DSP: variants seen among roughly 807,000 people sequenced by gnomAD.
DSP encodes the protein desmoplakin.
In DSP, 114 loss-of-function variants were observed where a neutral mutation model predicts 290.6. The ratio of observed to expected loss-of-function variants is 0.39; its 90% CI spans 0.34 to 0.46. The LOEUF (loss-of-function observed/expected upper bound fraction) is 0.46. Ranked by LOEUF, DSP falls within the 20% of genes least tolerant of loss-of-function variation. The pLI is 0.99. For missense variants in DSP, 3,230 were observed against 3,495.8 expected, an observed-to-expected ratio of 0.92 and a Z score of 1.92; for synonymous variants, 1,311 against 1,316.4, an observed-to-expected ratio of 1.00 and a Z score of 0.09.
chr6:7,541,855 C>A lies in DSP; in HGVS notation c.-61C>A. 1.3e-6 allele frequency: 2 copies of A among 1,545,760 alleles called. No individual in the cohort carries two copies. Among genetic ancestry groups the A allele is most frequent in the Non-Finnish European group, 1.7e-6 (2 of 1,147,130 alleles). On this transcript the variant is annotated 5_prime_UTR_variant, in exon 1 of 24. Coordinates refer to ENST00000379802, the MANE Select transcript of DSP (RefSeq NM_004415.4). ...CTATCCTTGGCCCCCTCCGCTTTCT[C>A]CGCGCCGGCCCGCCTCGCTTATGCC...
chr6:7,570,287 A>T, intron 12 of DSP, 150 bp from the exon 13 acceptor site: 1 of 1,160,240 alleles, frequency 8.6e-7, no homozygotes, highest in Non-Finnish European at 1.3e-6. Context: ...ATCCAAATCC[A>T]TGAACTGTTT....
chr6:7,541,811 C>G lies in DSP; in HGVS notation c.-105C>G. 3 of 1,419,834 alleles carry G rather than the reference C, an allele frequency of 2.1e-6. No homozygotes were observed. The highest frequency in any genetic ancestry group is 1.4e-5 in the South Asian group (1 of 71,640). 88.0% of individuals were successfully genotyped at this position (1,419,834 alleles called of 1,614,324 possible). On this transcript the variant is annotated 5_prime_UTR_variant, in exon 1 of 24. Transcript: ENST00000379802. ...CTCGCGAGCCTTCCGCACTCCCGCC[C>G]GGTTCCCCGGCCGTCCGCCTATCCT... is the stretch of plus-strand genomic sequence containing the variant.
At chr6:7,563,897 A>T (rs895910232) in intron 6 of DSP, 111 bp downstream of exon 6, 5 of 953,154 alleles carry the variant, frequency 5.2e-6, no homozygotes, top group Admixed American at 3.5e-5. Context: ...ATCGATGCTA[A>T]TGTTGTTGCT....
Position 7,585,018 on chromosome 6 carries a change from C to T in DSP, c.7756C>T (p.Arg2586Ter), listed in dbSNP as rs1420689736. ...CAGCGATGATGTTTTTAGCAGCTCC[C>T]GACATGAATCAGTAAGTAAGATTTC... Reference protein sequence around the residue: ...GVSDDVFSSSRHESVSKISTI... With the variant: ...GVSDDVFSSS The change falls in exon 24 of 24, where the codon CGA becomes TGA. Residue 2586 changes from arginine (R) to a stop codon, truncating the protein, a stop_gained. Transcript: ENST00000379802. LOFTEE classifies it high-confidence loss of function. 16 of 1,614,000 alleles carry T rather than the reference C, an allele frequency of 9.9e-6. No homozygotes were observed. The highest frequency in any genetic ancestry group is 1.4e-5 in the Non-Finnish European group (16 of 1,180,040).
At chr6:7,574,882 A>G in intron 17 of DSP, 87 bp downstream of exon 17, 1 of 1,592,060 alleles carries the variant, frequency 6.3e-7, no homozygotes. Flanking sequence ...CTGGGTTTTC[A>G]TGAGTTTTGA....
At position 7,555,789 on chromosome 6, in the gene DSP, G is replaced by A. The variant is rs140965835; in HGVS notation, c.242G>A (p.Cys81Tyr). ...IQELLQNCSD[C>Y]LMRAELIVQP... ...GAGCTGCTGCAGAACTGCTCCGACT[G>A]CTTGATGCGAGCAGAGCTCATCGTG... is the stretch of plus-strand genomic sequence containing the variant. Residue 81 changes from cysteine (C) to tyrosine (Y), a missense_variant, in exon 2 of 24, where the codon TGC becomes TAC. Cys to Tyr is a radical substitution (Grantham distance 194, BLOSUM62 -2). Coordinates refer to ENST00000379802, the MANE Select transcript of DSP (RefSeq NM_004415.4). The A allele has an allele frequency of 1.4e-4, 234 of 1,614,108 alleles. 2 individuals carry two copies. Among genetic ancestry groups the A allele is most frequent in the Non-Finnish European group, 1.8e-4 (216 of 1,180,050 alleles).
intron 4 of DSP, among the ~76,000 whole-genome samples, chr6:7,560,803 G>C (rs1271083231): frequency 2.0e-5 from 3 of 151,910 alleles, no homozygotes; most frequent in African/African-American, 7.3e-5. Context: ...ATCTCCTAAA[G>C]TTTTCTTAGT....
rs746413668 is a variant in DSP, at chr6:7,584,293, C to G, written c.7031C>G (p.Thr2344Arg). The G allele has an allele frequency of 6.2e-6, 10 of 1,614,184 alleles. No individual in the cohort carries two copies. The highest frequency in any genetic ancestry group is 8.5e-6 in the Non-Finnish European group (10 of 1,180,028). ...RAVTGYNDPE[T>R]GNIISLFQAM... is the part of the protein sequence containing the mutation. ...GTCACTGGGTATAATGATCCTGAAA[C>G]AGGAAACATCATCTCTTTGTTCCAA... Residue 2344 changes from threonine to arginine, a missense_variant, in exon 24 of 24, where the codon ACA becomes AGA. Around this residue, in one of 5 missense-constraint regions of DSP, gnomAD observed 207 missense variants for 281.2 expected, o/e 0.74. Coordinates refer to ENST00000379802, the MANE Select transcript of DSP (RefSeq NM_004415.4). The surrounding 1 kb of genome is among the most constrained non-coding windows in gnomAD (Gnocchi z 6.4).
In DSP at chr6:7,570,466, C is replaced by G. The variant is rs1281557789; in HGVS notation, c.1604C>G (p.Ala535Gly). The G allele has an allele frequency of 2.5e-6, 4 of 1,614,002 alleles. No individual in the cohort carries two copies. The highest frequency in any genetic ancestry group is 3.4e-6 in the Non-Finnish European group (4 of 1,180,032). Residue 535 changes from alanine (A) to glycine (G), a missense_variant, in exon 13 of 24, where the codon GCT becomes GGT. By Grantham distance (60) the Ala-to-Gly change is moderately conservative. This residue lies in a region of DSP where 646 missense variants were observed against 684.3 expected (regional missense o/e 0.94). Transcript: ENST00000379802. ...KIEQYYEAIL[A>G]LWNQLYINMK... ...GAGCAGTACTACGAAGCCATCTTGGCTCTGTGGAACCAGCTCTACATCAAC... is the reference window on the plus strand; with the variant it reads ...GAGCAGTACTACGAAGCCATCTTGGGTCTGTGGAACCAGCTCTACATCAAC...
In DSP at chr6:7,542,207, G is replaced by C. The variant is rs775268912; in HGVS notation, c.170+122G>C. 1.8e-4 allele frequency: 246 copies of C among 1,356,766 alleles called. 1 individual carries two copies. Among genetic ancestry groups the C allele is most frequent in the Non-Finnish European group, 2.2e-4 (222 of 998,864 alleles). The allele number at this position is 1,356,766 out of a possible 1,614,324, so 84.0% of individuals were successfully genotyped here. A position where few individuals can be genotyped will look rare whatever the true frequency, so the allele number is the denominator to read the frequency against. On this transcript the variant is annotated intron_variant, in intron 1 of 23. Coordinates refer to ENST00000379802, the MANE Select transcript of DSP (RefSeq NM_004415.4). ...GAAAGGTTTTTTTGCCCCAGGTCCC[G>C]AAAGAACTTCCCGGCCGCGCTGGGA...
At position 7,579,145 on chromosome 6, in the gene DSP, C is replaced by G; in HGVS notation, c.3085-130C>G. On this transcript the variant is annotated intron_variant, in intron 22 of 23. Coordinates refer to ENST00000379802, the MANE Select transcript of DSP (RefSeq NM_004415.4). This position sits in a 1 kb window ranked among gnomAD's most constrained non-coding sequence, Gnocchi z 4.1. ...TTTCTTGAATATTTGCCTAGTCACT[C>G]TTTGCATGTATGTCCATGTGTGTAA... 7.6e-7 allele frequency: 1 copy of G among 1,310,008 alleles called. No homozygotes were observed. The highest frequency in any genetic ancestry group is 1.1e-6 in the Non-Finnish European group (1 of 948,492). 81.1% of individuals were successfully genotyped at this position (1,310,008 alleles called of 1,614,324 possible). A position where few individuals can be genotyped will look rare whatever the true frequency, so the allele number is the denominator to read the frequency against.
intron 1 of DSP, among the ~76,000 whole-genome samples, chr6:7,543,826 T>C (rs1277732861): frequency 1.3e-5 from 2 of 152,260 alleles, no homozygotes; most frequent in South Asian, 2.1e-4. Context: ...TGGCTTCTTA[T>C]ACCTTTTGTA....
chr6:7,564,383 T>G (rs1758794814), intron 6 of DSP, among the ~76,000 whole-genome samples: 1 of 152,246 alleles, frequency 6.6e-6, no homozygotes, highest in Non-Finnish European at 1.5e-5. Context: ...TCTTTACTTT[T>G]TAATGTTTCC....
chr6:7,580,340 A>G lies in DSP; in HGVS notation c.4150A>G (p.Lys1384Glu), dbSNP rs1759386065. 1.9e-6 allele frequency: 3 copies of G among 1,614,038 alleles called. No individual in the cohort carries two copies. The highest frequency in any genetic ancestry group is 2.5e-6 in the Non-Finnish European group (3 of 1,180,028). Residue 1384 changes from lysine (K) to glutamate (E), a missense_variant, in exon 23 of 24, where the codon AAG becomes GAG. Transcript: ENST00000379802. This position sits in a 1 kb window ranked among gnomAD's most constrained non-coding sequence, Gnocchi z 4.2. ...CACCATCCACCAGCTCACCATGCAGAAGGAAGAGGATACCAGTGGCTACCG... is the reference window on the plus strand; with the variant it reads ...CACCATCCACCAGCTCACCATGCAGGAGGAAGAGGATACCAGTGGCTACCG... Reference protein sequence around the residue: ...KTTIHQLTMQKEEDTSGYRAQ... With the variant: ...KTTIHQLTMQEEEDTSGYRAQ...
intron 15 of DSP, among the ~76,000 whole-genome samples, chr6:7,573,195 G>T (rs1759113527): frequency 6.6e-6 from 1 of 152,032 alleles, no homozygotes; most frequent in African/African-American, 2.4e-5. Flanking sequence ...GACCACCATT[G>T]TGTATACAGT....
intron 12 of DSP, 37 bp downstream of exon 12, chr6:7,569,377 C>A: frequency 6.2e-7 from 1 of 1,614,082 alleles, no homozygotes; most frequent in Non-Finnish European, 8.5e-7. Flanking sequence ...CGCATGCACG[C>A]ATGAATGTGA....
chr6:7,574,476 A>G (rs969913308), intron 16 of DSP, among the ~76,000 whole-genome samples, 181 bp from the exon 17 acceptor site: 1 of 152,204 alleles, frequency 6.6e-6, no homozygotes, highest in African/African-American at 2.4e-5. Context: ...TAAGGGCCAG[A>G]ACTTGAGAAT....
In DSP at chr6:7,558,243, C is replaced by T. The variant is rs1758563341; in HGVS notation, c.401C>T (p.Pro134Leu). 3 of 1,614,042 alleles carry T rather than the reference C, an allele frequency of 1.9e-6. No homozygotes were observed. In the Admixed American group the frequency reaches 5.0e-5, roughly 27 times the overall value. The change falls in exon 3 of 24, where the codon CCC becomes CTC. Residue 134 changes from proline (P) to leucine (L), a missense_variant. By Grantham distance (98) the Pro-to-Leu change is moderately conservative. Coordinates refer to ENST00000379802, the MANE Select transcript of DSP (RefSeq NM_004415.4). ...LIREMRQMGQ[P>L]CDAYQKRLLQ... ...AGAGAGATGCGGCAGATGGGCCAGC[C>T]CTGTGATGCTTACCAGAAAAGGTAT...
At chr6:7,577,197 A>G (rs1328029782) in intron 20 of DSP, among the ~76,000 whole-genome samples, 155 bp downstream of exon 20, 3 of 152,362 alleles carry the variant, frequency 2.0e-5, no homozygotes, top group Admixed American at 1.3e-4. Flanking sequence ...TTAAAAATCT[A>G]TTAGCTTGAA....
Sources: gnomAD v4.1 joint callset for allele counts (sites outside exome capture counted in the v4.1 genomes callset) on GRCh38, gnomAD v4.1.1 for gene constraint, gnomAD v4.1.1 regional missense constraint, Gnocchi (gnomAD v3.1) non-coding constraint, MANE v1.5 for transcripts, NCBI Gene and HGNC (gene_info 2026-07-23, HGNC 2026-07-21) for gene names.